EYS: variants seen among roughly 807,000 people sequenced by gnomAD.
EYS encodes the protein EGF-like photoreceptor maintenance factor.
A neutral mutation model predicts 282.1 loss-of-function variants in EYS; 250 were observed. The ratio of observed to expected loss-of-function variants is 0.89; its 90% CI spans 0.80 to 0.98. The LOEUF is 0.98. Among genes scored for constraint, EYS ranks in the 50% least tolerant of loss-of-function variants. The probability of loss-of-function intolerance (pLI) is 0.00; values close to 1 mark genes in which losing one functional copy is unlikely to be tolerated. For synonymous variants in EYS, 1,355 were observed against 1,282.9 expected (o/e 1.06, Z -1.20); for missense variants, 4,016 against 3,709.0 (o/e 1.08, Z -2.15).
At chr6:64,383,984 A>G (rs1772829027) in intron 29 of EYS, among the ~76,000 whole-genome samples, 1 of 152,196 alleles carries the variant, frequency 6.6e-6, no homozygotes, top group Non-Finnish European at 1.5e-5. Flanking sequence ...TAATATAAGC[A>G]ACCCAAATTT....
rs181947149 is a variant in EYS, at chr6:64,669,975, T to C, written c.3444-43730A>G. 7.2e-5 allele frequency among the ~76,000 whole-genome samples: 11 copies of C among 152,312 alleles called. No homozygotes were observed. The East Asian group carries it at 2.1e-3, about 29-fold the overall frequency. The stretch of plus-strand genomic sequence containing the variant: ...CAATTAACATAGAGAACTTTTAACT[T>C]TCTAGCCTTTGACATGTAAATCTTT... On this transcript the variant is annotated intron_variant, in intron 22 of 42. Coordinates refer to ENST00000503581, the MANE Select transcript of EYS (RefSeq NM_001142800.2).
chr6:64,648,405 G>A (rs1258653413), intron 22 of EYS, among the ~76,000 whole-genome samples: 1 of 152,088 alleles, frequency 6.6e-6, no homozygotes, highest in Non-Finnish European at 1.5e-5. Flanking sequence ...TGTCTCTATT[G>A]GTTGAAATGA....
intron 29 of EYS, among the ~76,000 whole-genome samples, chr6:64,354,485 C>T (rs1441791471): frequency 6.6e-6 from 1 of 151,430 alleles, no homozygotes; most frequent in African/African-American, 2.4e-5. Context: ...GTTTCCTCAT[C>T]CATAAAAAAA....
chr6:64,194,129 C>G (rs1264313167), intron 31 of EYS, among the ~76,000 whole-genome samples: 1 of 152,028 alleles, frequency 6.6e-6, no homozygotes, highest in African/African-American at 2.4e-5. Flanking sequence ...CCTCAGCCTC[C>G]CAAAGTGCTG....
chr6:65,512,171 T>C (rs1766904164), intron 2 of EYS, among the ~76,000 whole-genome samples: 1 of 152,054 alleles, frequency 6.6e-6, no homozygotes, highest in Non-Finnish European at 1.5e-5. Flanking sequence ...CAGTTACTCA[T>C]ACGCCTTACA....
At chr6:64,115,178 T>G (rs1289128452) in intron 31 of EYS, among the ~76,000 whole-genome samples, 4 of 152,122 alleles carry the variant, frequency 2.6e-5, no homozygotes, top group African/African-American at 7.2e-5. Flanking sequence ...GCTCTGCACA[T>G]GAGTATGTCC....
At chr6:65,658,364 A>G (rs1562313632) in intron 1 of EYS, among the ~76,000 whole-genome samples, 2 of 151,786 alleles carry the variant, frequency 1.3e-5, no homozygotes, top group African/African-American at 2.4e-5. Context: ...TAATGTATCA[A>G]TATCAGTTCA....
intron 22 of EYS, among the ~76,000 whole-genome samples, chr6:64,751,450 G>A (rs560445642): frequency 4.8e-4 from 73 of 152,220 alleles, no homozygotes; most frequent in Middle Eastern, 3.4e-3. Flanking sequence ...GGCTGCCCCC[G>A]GACTCCTCAT....
intron 2 of EYS, among the ~76,000 whole-genome samples, chr6:65,593,467 G>A (rs1276927782): frequency 6.6e-6 from 1 of 151,908 alleles, no homozygotes; most frequent in African/African-American, 2.4e-5. Context: ...CTACATATTA[G>A]AATCACCTTG....
In EYS at chr6:65,495,027, G is replaced by A. The variant is rs755799753; in HGVS notation, c.384C>T (p.Cys128=). Residue 128 remains cysteine, a synonymous_variant, in exon 4 of 43, where the codon TGC becomes TGT. Transcript: ENST00000503581. ...TAACAGTGTGCATTCCTTTTAGTCT[G>A]CAGCCAAAAAGTAACTGATCTTCCG... ...TTTEDQLLFG[C]RLKGMHTVNS... is the part of the protein sequence containing the mutation. The A allele has an allele frequency of 4.3e-6, 7 of 1,614,164 alleles. No homozygotes were observed. Among genetic ancestry groups the A allele is most frequent in the Middle Eastern group, 3.3e-4 (2 of 6,062 alleles).
chr6:64,196,996 T>G (rs1188926739), intron 31 of EYS, among the ~76,000 whole-genome samples: 4 of 152,034 alleles, frequency 2.6e-5, no homozygotes, highest in Non-Finnish European at 5.9e-5. Flanking sequence ...TTTTTGCAAG[T>G]TTTAAGTGTT....
intron 15 of EYS, among the ~76,000 whole-genome samples, chr6:64,921,286 C>T (rs1215787070): frequency 2.0e-5 from 3 of 151,956 alleles, no homozygotes; most frequent in Non-Finnish European, 4.4e-5. Flanking sequence ...CATATCTTTC[C>T]ACATACAGAA....
chr6:64,480,849 T>C (rs1047773665), intron 26 of EYS, among the ~76,000 whole-genome samples: 1 of 151,722 alleles, frequency 6.6e-6, no homozygotes, highest in African/African-American at 2.4e-5. Context: ...TTTAATTTGC[T>C]GGACATCAGG....
chr6:64,579,536 C>T (rs985055384), intron 26 of EYS, among the ~76,000 whole-genome samples: 3 of 152,084 alleles, frequency 2.0e-5, no homozygotes, highest in Admixed American at 1.3e-4. Flanking sequence ...TTTTTGTCCT[C>T]ATTTCAATGA....
At chr6:64,659,062 G>T (rs1768884112) in intron 22 of EYS, among the ~76,000 whole-genome samples, 1 of 151,966 alleles carries the variant, frequency 6.6e-6, no homozygotes, top group Non-Finnish European at 1.5e-5. Flanking sequence ...AACCAAACTA[G>T]AACTCAGGAT....
At chr6:65,616,795 A>C (rs978605040) in intron 2 of EYS, among the ~76,000 whole-genome samples, 4 of 152,058 alleles carry the variant, frequency 2.6e-5, no homozygotes, top group African/African-American at 4.8e-5. Context: ...AAAAAACAAA[A>C]AAAAAAAGTA....
intron 5 of EYS, among the ~76,000 whole-genome samples, chr6:65,416,810 G>T (rs990767381): frequency 3.3e-5 from 5 of 151,962 alleles, no homozygotes; most frequent in African/African-American, 1.2e-4. Context: ...GCAACACAAA[G>T]ACATCACCAA....
At position 63,840,254 on chromosome 6, in the gene EYS, C is replaced by G. The variant is rs2348396; in HGVS notation, c.7228+23932G>C. On this transcript the variant is annotated intron_variant, in intron 36 of 42. Coordinates refer to ENST00000503581, the MANE Select transcript of EYS (RefSeq NM_001142800.2). ...ATTATTATTGTATTTTTAGTAGAGA[C>G]AGGGTTTCGCTGTGTTAGCCAGGAT... Among the ~76,000 whole-genome samples, 381 of 126,594 alleles carry G rather than the reference C, an allele frequency of 3.0e-3. 12 individuals are homozygous for G. In the East Asian group the frequency reaches 0.07, roughly 23 times the overall value. The allele number at this position is 126,594 out of a possible 152,430, so 83.1% of individuals were successfully genotyped here.
At chr6:63,979,558 T>A (rs955939253) in intron 35 of EYS, among the ~76,000 whole-genome samples, 8 of 151,964 alleles carry the variant, frequency 5.3e-5, no homozygotes, top group Non-Finnish European at 1.2e-4. Context: ...AGTGTCATGG[T>A]TGTATAGGGT....
Sources: allele counts gnomAD v4.1 joint callset (sites outside exome capture counted in the v4.1 genomes callset), GRCh38; gene constraint gnomAD v4.1.1; transcripts MANE v1.5; gene names NCBI Gene and HGNC (gene_info 2026-07-23, HGNC 2026-07-21).